Variants in SESN3 observed in about 807,000 individuals in gnomAD.
SESN3 encodes sestrin-3.
A neutral mutation model predicts 55.3 loss-of-function variants in SESN3; 21 were observed. That is an observed-to-expected ratio of 0.38 (90% CI 0.27 to 0.55). The LOEUF (loss-of-function observed/expected upper bound fraction) is 0.55. Ranked by LOEUF, SESN3 falls within the 20% of genes least tolerant of loss-of-function variation. The pLI, the probability that SESN3 is intolerant of heterozygous loss-of-function variation, is 0.76. For synonymous variants in SESN3, 181 were observed against 203.1 expected (o/e 0.89, Z 0.93); for missense variants, 408 against 604.3 (o/e 0.68, Z 3.41).
intron 1 of SESN3, among the ~76,000 whole-genome samples, chr11:95,210,815 G>C (rs1289979471): frequency 6.6e-6 from 1 of 152,002 alleles, no homozygotes; most frequent in Non-Finnish European, 1.5e-5. Context: ...TCACAGGCAA[G>C]ATAAAGGGAA....
intron 3 of SESN3, among the ~76,000 whole-genome samples, chr11:95,190,550 T>C (rs1860247550): frequency 6.6e-6 from 1 of 151,938 alleles, no homozygotes; most frequent in Admixed American, 6.6e-5. Flanking sequence ...ACATCTTATT[T>C]CTCCACATTT....
At chr11:95,176,864 A>C (rs1483723558) in intron 8 of SESN3, among the ~76,000 whole-genome samples, 1 of 152,304 alleles carries the variant, frequency 6.6e-6, no homozygotes, top group East Asian at 1.9e-4. Context: ...ATTGTCTAGC[A>C]TGGTAAATGG....
At chr11:95,212,285 G>T (rs927606700) in intron 1 of SESN3, among the ~76,000 whole-genome samples, 2 of 151,974 alleles carry the variant, frequency 1.3e-5, no homozygotes, top group African/African-American at 4.8e-5. Context: ...AAGTCAAAAG[G>T]TATAGTTTTC....
rs1860020413 is a variant in SESN3 at position 95,179,394 on chromosome 11, TCCAC to T, written c.938-570_938-567del. Among the ~76,000 whole-genome samples, 2 of 152,152 alleles carry T rather than the reference TCCAC, an allele frequency of 1.3e-5. 1 individual carries two copies. The highest frequency in any genetic ancestry group is 4.1e-4 in the South Asian group (2 of 4,838). ...TGGTCTCGAACTCCTGACCTCGTGA[TCCAC>T]CCACCTTGGCCTCCCGAAGTGCAGC... On this transcript the variant is annotated intron_variant, in intron 6 of 9. Transcript: ENST00000536441.
At chr11:95,222,937 G>T (rs535817089) in intron 1 of SESN3, among the ~76,000 whole-genome samples, 107 of 152,250 alleles carry the variant, frequency 7.0e-4, no homozygotes, top group African/African-American at 2.5e-3. Context: ...ACTTGGTAGT[G>T]TATTTACTTT....
At chr11:95,224,802 A>T (rs1860919809) in intron 1 of SESN3, among the ~76,000 whole-genome samples, 1 of 152,190 alleles carries the variant, frequency 6.6e-6, no homozygotes, top group Admixed American at 6.5e-5. Flanking sequence ...CATTTATAAG[A>T]TAATGTTTAT....
At chr11:95,182,925 T>A (rs1312163316) in intron 6 of SESN3, among the ~76,000 whole-genome samples, 1 of 152,090 alleles carries the variant, frequency 6.6e-6, no homozygotes, top group Non-Finnish European at 1.5e-5. Context: ...TTCCTCACAC[T>A]CAACTGGGTT....
In SESN3 at chr11:95,165,999, G is replaced by A. The variant is rs2134198980; in HGVS notation, c.*7256C>T. The A allele has an allele frequency of 6.6e-6, 1 of 152,266 alleles. No homozygotes were observed. Among genetic ancestry groups the A allele is most frequent in the Admixed American group, 6.5e-5 (1 of 15,290 alleles). 9.4% of individuals were successfully genotyped at this position (152,266 alleles called of 1,614,324 possible). ...ATTAAGAGTTGAAAAGGCTTATATG[G>A]TTAACTACCTTAGACTATATCTACA... On this transcript the variant is annotated 3_prime_UTR_variant, in exon 10 of 10. Coordinates refer to ENST00000536441, the MANE Select transcript of SESN3 (RefSeq NM_144665.4).
intron 1 of SESN3, among the ~76,000 whole-genome samples, chr11:95,227,352 C>A (rs1565478025): frequency 6.6e-6 from 1 of 152,046 alleles, no homozygotes; most frequent in Non-Finnish European, 1.5e-5. Flanking sequence ...ACTACAGGCA[C>A]ACGATTCCAC....
At chr11:95,189,504 G>A (rs977591943) in intron 4 of SESN3, among the ~76,000 whole-genome samples, 22 of 151,806 alleles carry the variant, frequency 1.4e-4, no homozygotes, top group Non-Finnish European at 3.1e-4. Context: ...TAGATCCCAG[G>A]CATCCTATCA....
chr11:95,225,035 C>A (rs555400889), intron 1 of SESN3, among the ~76,000 whole-genome samples: 6 of 152,130 alleles, frequency 3.9e-5, no homozygotes, highest in Non-Finnish European at 7.4e-5. Flanking sequence ...CAAGCTTTAA[C>A]AAAATTTAAA....
At chr11:95,209,339 A>G (rs1860607017) in intron 1 of SESN3, among the ~76,000 whole-genome samples, 1 of 151,606 alleles carries the variant, frequency 6.6e-6, no homozygotes, top group Admixed American at 6.6e-5. Flanking sequence ...ACTGGTCATT[A>G]TAGAAATGCA....
At chr11:95,188,528 A>G (rs1322374214) in intron 4 of SESN3, among the ~76,000 whole-genome samples, 1 of 151,866 alleles carries the variant, frequency 6.6e-6, no homozygotes, top group Non-Finnish European at 1.5e-5. Context: ...AATTCTTCCC[A>G]GTTCCCACCT....
At chr11:95,204,287 C>T (rs999708105) in intron 1 of SESN3, among the ~76,000 whole-genome samples, 5 of 151,786 alleles carry the variant, frequency 3.3e-5, no homozygotes, top group Non-Finnish European at 5.9e-5. Flanking sequence ...TAGCAAGGTA[C>T]CTGAGATAAA....
At chr11:95,208,349 T>C (rs1011138583) in intron 1 of SESN3, among the ~76,000 whole-genome samples, 1 of 151,506 alleles carries the variant, frequency 6.6e-6, no homozygotes, top group African/African-American at 2.4e-5. Flanking sequence ...TGTAACTGTT[T>C]TGTAGAGAGT....
intron 1 of SESN3, among the ~76,000 whole-genome samples, chr11:95,196,731 A>G (rs1253826708): frequency 6.6e-6 from 1 of 152,214 alleles, no homozygotes; most frequent in Non-Finnish European, 1.5e-5. Flanking sequence ...ACATAGGACC[A>G]CGTGTACTCT....
Position 95,230,732 on chromosome 11 carries a change from C to A in SESN3, c.78+51G>T. On this transcript the variant is annotated intron_variant, in intron 1 of 9. Coordinates refer to ENST00000536441, the MANE Select transcript of SESN3 (RefSeq NM_144665.4). This position sits in a 1 kb window ranked among gnomAD's most constrained non-coding sequence, Gnocchi z 4.6. ...GCCCGGGGACGAGCCGCCCGAGCCC[C>A]GGCCGGCAGGAAGCGACCCTCGCCG... is the stretch of plus-strand genomic sequence containing the variant. The A allele has an allele frequency of 6.9e-7, 1 of 1,456,720 alleles. No individual in the cohort carries two copies. Among genetic ancestry groups the A allele is most frequent in the Non-Finnish European group, 9.5e-7 (1 of 1,052,842 alleles). The allele number at this position is 1,456,720 out of a possible 1,614,324, so 90.2% of individuals were successfully genotyped here.
chr11:95,187,964 T>C (rs1160106425), intron 4 of SESN3, among the ~76,000 whole-genome samples: 1 of 151,248 alleles, frequency 6.6e-6, no homozygotes, highest in Non-Finnish European at 1.5e-5. Flanking sequence ...CTACTTACTC[T>C]CATGCAGAAT....
Position 95,230,589 on chromosome 11 carries a change from C to T in SESN3, c.78+194G>A. 1.8e-6 allele frequency: 1 copy of T among 549,930 alleles called. No individual in the cohort carries two copies. Among genetic ancestry groups the T allele is most frequent in the Non-Finnish European group, 3.2e-6 (1 of 314,504 alleles). 34.1% of individuals were successfully genotyped at this position (549,930 alleles called of 1,614,324 possible). ...CAACCCCTCCAGACTTGGGTCTGTCCCGGCGGAAATAAAAAGCCGCAGTAG... is the reference window on the plus strand; with the variant it reads ...CAACCCCTCCAGACTTGGGTCTGTCTCGGCGGAAATAAAAAGCCGCAGTAG... On this transcript the variant is annotated intron_variant, in intron 1 of 9. Coordinates refer to ENST00000536441, the MANE Select transcript of SESN3 (RefSeq NM_144665.4). The surrounding 1 kb of genome is among the most constrained non-coding windows in gnomAD (Gnocchi z 4.6).
Sources: allele counts gnomAD v4.1 joint callset (sites outside exome capture counted in the v4.1 genomes callset), GRCh38; gene constraint gnomAD v4.1.1; non-coding constraint Gnocchi (gnomAD v3.1); transcripts MANE v1.5; gene names NCBI Gene and HGNC (gene_info 2026-07-23, HGNC 2026-07-21).